The following SPIC variants were observed in gnomAD, a reference collection of about 807,000 sequenced individuals.
SPIC encodes the protein transcription factor Spi-C.
A neutral mutation model predicts 16.7 loss-of-function variants in SPIC; 9 were observed. The observed-to-expected ratio is 0.54, with a 90% CI of 0.33 to 0.94. The LOEUF (loss-of-function observed/expected upper bound fraction) is 0.94, where lower values mean the gene tolerates loss of function less well. SPIC is among the 40% of genes least tolerant of loss of function. The pLI is 0.03. For synonymous variants in SPIC, 97 were observed against 102.9 expected, an observed-to-expected ratio of 0.94 and a Z score of 0.35; for missense variants, 241 against 285.8, an observed-to-expected ratio of 0.84 and a Z score of 1.13.
Position 101,482,799 on chromosome 12 carries a change from C to T in SPIC, c.218C>T (p.Ala73Val), listed in dbSNP as rs1873246227. ...VYNWRTVINS[A>V]ADFYFEGNIH... ...GCTTCATTATTTATATAGAACAGTG[C>T]TGCGGACTTCTATTTTGAAGGAAAT... The change falls in exon 5 of 6, where the codon GCT becomes GTT. Residue 73 changes from alanine (A) to valine (V), a missense_variant. Coordinates refer to ENST00000551346, the MANE Select transcript of SPIC (RefSeq NM_152323.3). 5 of 1,613,576 alleles carry T rather than the reference C, an allele frequency of 3.1e-6. No individual in the cohort carries two copies. The highest frequency in any genetic ancestry group is 2.7e-5 in the African/African-American group (2 of 74,904).
At chr12:101,478,041 T>C (rs1343163271) in intron 3 of SPIC, among the ~76,000 whole-genome samples, 1 of 150,022 alleles carries the variant, frequency 6.7e-6, no homozygotes, top group East Asian at 1.9e-4. Context: ...TTCTTTTTTT[T>C]TTTTTTTTGA....
intron 5 of SPIC, among the ~76,000 whole-genome samples, chr12:101,484,823 G>A (rs1377122247): frequency 6.9e-6 from 1 of 145,806 alleles, no homozygotes; most frequent in African/African-American, 2.5e-5. Flanking sequence ...AGCCAAGATT[G>A]CGCCACTACA....
intron 1 of SPIC, among the ~76,000 whole-genome samples, chr12:101,475,724 T>A (rs1040265019): frequency 1.3e-5 from 2 of 152,212 alleles, no homozygotes; most frequent in African/African-American, 4.8e-5. Flanking sequence ...AACATGTTCA[T>A]TTTTAAATAT....
At position 101,479,587 on chromosome 12, in the gene SPIC, A is replaced by T. The variant is rs1189829710; in HGVS notation, c.103A>T (p.Arg35Ter). Residue 35 changes from arginine (R) to a stop codon, truncating the protein, a stop_gained, in exon 4 of 6, where the codon AGA becomes TGA. Transcript: ENST00000551346. LOFTEE classifies it high-confidence loss of function. ...TGDLQYSPDY[R>*]NYLALINHRP... ...TTTCTCTGATTTAAAATTAGATTAC[A>T]GAAATTACCTGGCTTTAATCAACCA... 3.1e-6 allele frequency: 5 copies of T among 1,610,608 alleles called. No homozygotes were observed. The highest frequency in any genetic ancestry group is 4.2e-6 in the Non-Finnish European group (5 of 1,178,704).
intron 5 of SPIC, among the ~76,000 whole-genome samples, chr12:101,485,613 A>G (rs1873339905): frequency 2.6e-5 from 4 of 152,148 alleles, no homozygotes; most frequent in Admixed American, 2.6e-4. Flanking sequence ...CCTTAATATT[A>G]CCTTACATTT....
At chr12:101,479,962 G>A (rs151040694) in intron 4 of SPIC, among the ~76,000 whole-genome samples, 223 of 151,872 alleles carry the variant, frequency 1.5e-3, no homozygotes, top group African/African-American at 3.8e-3. Context: ...GGTTACAGGC[G>A]TGCACCACAA....
intron 3 of SPIC, among the ~76,000 whole-genome samples, chr12:101,479,261 GGAAA>G (rs200103864): frequency 0.044 from 2,062 of 46,768 alleles, 116 homozygotes; most frequent in Non-Finnish European, 0.065. Context: ...AAAGAAGGAA[GGAAA>G]GAAAGAAAGA....
At chr12:101,476,783 A>G (rs1216346438) in intron 1 of SPIC, 45 bp from the exon 2 acceptor site, 1 of 507,362 alleles carries the variant, frequency 2.0e-6, no homozygotes, top group East Asian at 3.4e-5. Context: ...GAATCAAATT[A>G]GAGACTGCAT....
At chr12:101,479,972 A>G (rs1453188028) in intron 4 of SPIC, among the ~76,000 whole-genome samples, 2 of 151,906 alleles carry the variant, frequency 1.3e-5, no homozygotes, top group Non-Finnish European at 2.9e-5. Context: ...GTGCACCACA[A>G]TGCCCAGTTA....
At position 101,486,606 on chromosome 12, in the gene SPIC, T is replaced by C; in HGVS notation, c.582T>C (p.Ser194=). ...KIRRKLTYQF[S]EAILQRLSPS... ...GGAGGAAGCTGACTTACCAGTTCAGTGAGGCCATTCTCCAAAGACTCTCTC... is the reference window on the plus strand; with the variant it reads ...GGAGGAAGCTGACTTACCAGTTCAGCGAGGCCATTCTCCAAAGACTCTCTC... Residue 194 remains serine (S), a synonymous_variant, in exon 6 of 6, where the codon AGT becomes AGC. Transcript: ENST00000551346. 6.2e-7 allele frequency: 1 copy of C among 1,613,992 alleles called. No individual in the cohort carries two copies. Among genetic ancestry groups the C allele is most frequent in the Non-Finnish European group, 8.5e-7 (1 of 1,179,908 alleles).
rs1565831269 is a variant in SPIC, at chr12:101,479,278, G to GAA, written c.98-302_98-301dup. On this transcript the variant is annotated intron_variant, in intron 3 of 5. Coordinates refer to ENST00000551346, the MANE Select transcript of SPIC (RefSeq NM_152323.3). ...AGAAGGAAGGAAAGAAAGAAAGAAA[G>GAA]AAAGAAAAAGAAAGAAAGAAAGAAA... Among the ~76,000 whole-genome samples the GAA allele has an allele frequency of 6.4e-3, 386 of 60,094 alleles. 13 individuals carry two copies. Among genetic ancestry groups the GAA allele is most frequent in the Middle Eastern group, 0.019 (2 of 104 alleles). The allele number at this position is 60,094 out of a possible 152,430, so 39.4% of individuals were successfully genotyped here.
chr12:101,483,233 T>C (rs1275497921), intron 5 of SPIC, among the ~76,000 whole-genome samples: 3 of 151,850 alleles, frequency 2.0e-5, no homozygotes, highest in Non-Finnish European at 4.4e-5. Flanking sequence ...TTTATTTTTA[T>C]TTTTTACTTT....
intron 3 of SPIC, among the ~76,000 whole-genome samples, chr12:101,479,248 AAGAAAGAAGGAAGGAAAG>A: frequency 9.6e-6 from 1 of 104,594 alleles, no homozygotes; most frequent in Non-Finnish European, 1.8e-5. Context: ...AAGAAAAAGA[AAGAAAGAAGGAAGGAAAG>A]AAAGAAAGAA....
intron 1 of SPIC, among the ~76,000 whole-genome samples, chr12:101,476,623 T>C (rs1295212532): frequency 6.6e-6 from 1 of 152,132 alleles, no homozygotes. Flanking sequence ...TTTTAATATT[T>C]AAAGCATTTT....
chr12:101,484,484 C>T (rs1200984930), intron 5 of SPIC, among the ~76,000 whole-genome samples: 1 of 151,586 alleles, frequency 6.6e-6, no homozygotes, highest in Non-Finnish European at 1.5e-5. Context: ...TGCAGTGAGC[C>T]AAGATCAAGC....
Position 101,486,810 on chromosome 12 carries a change from T to C in SPIC, c.*39T>C, listed in dbSNP as rs112929438. 1,548 of 1,450,456 alleles carry C rather than the reference T, an allele frequency of 1.1e-3. 16 individuals carry two copies. In the African/African-American group the frequency reaches 0.016, roughly 15 times the overall value. 89.8% of individuals were successfully genotyped at this position (1,450,456 alleles called of 1,614,324 possible). A position where few individuals can be genotyped will look rare whatever the true frequency, so the allele number is the denominator to read the frequency against. On this transcript the variant is annotated 3_prime_UTR_variant, in exon 6 of 6. Coordinates refer to ENST00000551346, the MANE Select transcript of SPIC (RefSeq NM_152323.3). ...TTTCATGGTTTACTGGCATCGGAAA[T>C]CTCTACAAGTTTTAATGATTTCTCC... is the stretch of plus-strand genomic sequence containing the variant.
In SPIC at chr12:101,486,873, A is replaced by G; in HGVS notation, c.*102A>G. On this transcript the variant is annotated 3_prime_UTR_variant, in exon 6 of 6. Transcript: ENST00000551346. The stretch of plus-strand genomic sequence containing the variant: ...TTTTCCTCCTCTGAAGAAATTTAGG[A>G]TTTTTCTCTTAAAGCAAATACTAAA... The G allele has an allele frequency of 1.9e-6, 2 of 1,053,520 alleles. No individual in the cohort carries two copies. The highest frequency in any genetic ancestry group is 2.6e-6 in the Non-Finnish European group (2 of 759,414). The allele number at this position is 1,053,520 out of a possible 1,614,324, so 65.3% of individuals were successfully genotyped here.
rs1565832389 is a variant in SPIC at position 101,482,789 on chromosome 12, T to C, written c.211-3T>C. On this transcript the variant is annotated splice_polypyrimidine_tract_variant and splice_region_variant and intron_variant, in intron 4 of 5. Coordinates refer to ENST00000551346, the MANE Select transcript of SPIC (RefSeq NM_152323.3). ...TTAACATCCTGCTTCATTATTTATA[T>C]AGAACAGTGCTGCGGACTTCTATTT... The C allele has an allele frequency of 3.1e-6, 5 of 1,610,400 alleles. No homozygotes were observed. The highest frequency in any genetic ancestry group is 4.2e-6 in the Non-Finnish European group (5 of 1,178,646).
chr12:101,480,362 G>A (rs1873149893), intron 4 of SPIC, among the ~76,000 whole-genome samples: 1 of 152,186 alleles, frequency 6.6e-6, no homozygotes, highest in Non-Finnish European at 1.5e-5. Flanking sequence ...AACTGCCCCT[G>A]CACTGGTTTT....
Sources: allele counts gnomAD v4.1 joint callset (sites outside exome capture counted in the v4.1 genomes callset), GRCh38; gene constraint gnomAD v4.1.1; transcripts MANE v1.5; gene names NCBI Gene and HGNC (gene_info 2026-07-23, HGNC 2026-07-21).